The following SLC7A11 variants were observed in gnomAD, a reference collection of about 807,000 sequenced individuals.
SLC7A11 encodes the protein solute carrier family 7 member 11, also known as cystine/glutamate transporter.
SLC7A11 carries 35 observed loss-of-function variants against 54.5 expected under a neutral mutation model. The observed-to-expected ratio is 0.64, with a 90% CI of 0.49 to 0.85. SLC7A11 has a LOEUF of 0.85. SLC7A11 is among the 40% of genes least tolerant of loss of function. The pLI is 0.00. For synonymous variants in SLC7A11, 230 were observed against 225.2 expected (o/e 1.02, Z -0.19); for missense variants, 583 against 618.1 (o/e 0.94, Z 0.60).
Position 138,165,751 on chromosome 4 carries a change from A to G in SLC7A11, c.*6205T>C, listed in dbSNP as rs1736240023. ...GTTGTTTCCTTTCTGAACATGAATA[A>G]CATCAAAGGAAGAACCCAGTTCTTA... On this transcript the variant is annotated 3_prime_UTR_variant, in exon 12 of 12. Transcript: ENST00000280612. 6.6e-6 allele frequency: 1 copy of G among 152,186 alleles called. No individual in the cohort carries two copies. The highest frequency in any genetic ancestry group is 1.5e-5 in the Non-Finnish European group (1 of 68,014). The allele number at this position is 152,186 out of a possible 1,614,324, so 9.4% of individuals were successfully genotyped here.
chr4:138,185,316 G>A, intron 6 of SLC7A11, 72 bp from the exon 7 acceptor site: 2 of 1,506,352 alleles, frequency 1.3e-6, no homozygotes, highest in South Asian at 2.3e-5. Flanking sequence ...GAAAATAACA[G>A]GCTAATTCAA....
Position 138,167,756 on chromosome 4 carries a change from A to G in SLC7A11, c.*4200T>C, listed in dbSNP as rs1029851499. On this transcript the variant is annotated 3_prime_UTR_variant, in exon 12 of 12. Coordinates refer to ENST00000280612, the MANE Select transcript of SLC7A11 (RefSeq NM_014331.4). ...AGCAAAATGTAACTCTGTAAACTTG[A>G]TCAGCACTAATGTACAACATATTAT... 6.6e-6 allele frequency: 1 copy of G among 152,168 alleles called. No individual in the cohort carries two copies. The highest frequency in any genetic ancestry group is 1.5e-5 in the Non-Finnish European group (1 of 68,024). The allele number at this position is 152,168 out of a possible 1,614,324, so 9.4% of individuals were successfully genotyped here. A position where few individuals can be genotyped will look rare whatever the true frequency, so the allele number is the denominator to read the frequency against.
chr4:138,171,633 C>G lies in SLC7A11; in HGVS notation c.*323G>C. The G allele has an allele frequency of 3.9e-6, 1 of 255,230 alleles. No individual in the cohort carries two copies. The highest frequency in any genetic ancestry group is 7.3e-6 in the Non-Finnish European group (1 of 136,348). The allele number at this position is 255,230 out of a possible 1,614,324, so 15.8% of individuals were successfully genotyped here. On this transcript the variant is annotated 3_prime_UTR_variant, in exon 12 of 12. Transcript: ENST00000280612. ...AATCTCAGTCTTCAATTTGAAGGTT[C>G]TTTGCCGTGCTAACATATGTTGTAG...
At chr4:138,181,318 C>T (rs1736735823) in intron 9 of SLC7A11, among the ~76,000 whole-genome samples, 1 of 151,966 alleles carries the variant, frequency 6.6e-6, no homozygotes, top group African/African-American at 2.4e-5. Context: ...CTTTTTTCCT[C>T]CACATTTACT....
chr4:138,241,763 C>T (rs1738384831), intron 1 of SLC7A11, 30 bp downstream of exon 1: 4 of 1,534,170 alleles, frequency 2.6e-6, no homozygotes, highest in Non-Finnish European at 3.6e-6. Context: ...CCCACAGCCA[C>T]GCCCCCACGA....
chr4:138,210,867 C>A (rs1737529081), intron 6 of SLC7A11, among the ~76,000 whole-genome samples: 1 of 152,048 alleles, frequency 6.6e-6, no homozygotes, highest in Admixed American at 6.6e-5. Context: ...AGCAGAACTA[C>A]TATTTGACTC....
At chr4:138,201,666 A>G (rs563001689) in intron 6 of SLC7A11, among the ~76,000 whole-genome samples, 1 of 152,266 alleles carries the variant, frequency 6.6e-6, no homozygotes, top group Admixed American at 6.5e-5. Context: ...AGAAGAAAAG[A>G]AACAGCTTCC....
intron 6 of SLC7A11, among the ~76,000 whole-genome samples, chr4:138,206,806 G>T (rs1737418715): frequency 1.3e-5 from 2 of 151,868 alleles, no homozygotes; most frequent in African/African-American, 4.8e-5. Context: ...TTTTTAGAGT[G>T]AACAAAAGCA....
At chr4:138,214,471 C>A in intron 6 of SLC7A11, 114 bp downstream of exon 6, 1 of 497,096 alleles carries the variant, frequency 2.0e-6, no homozygotes, top group Non-Finnish European at 3.7e-6. Flanking sequence ...ATGATGATGA[C>A]GATGTTAAGG....
At chr4:138,214,957 G>A (rs982825787) in intron 5 of SLC7A11, among the ~76,000 whole-genome samples, 2 of 152,258 alleles carry the variant, frequency 1.3e-5, no homozygotes, top group East Asian at 3.9e-4. Flanking sequence ...GGCAGGTCTA[G>A]CCCAACCTGG....
chr4:138,179,376 C>G lies in SLC7A11; in HGVS notation c.1285G>C (p.Ala429Pro). 1 of 1,611,864 alleles carries G rather than the reference C, an allele frequency of 6.2e-7. No individual in the cohort carries two copies. Among genetic ancestry groups the G allele is most frequent in the Non-Finnish European group, 8.5e-7 (1 of 1,178,908 alleles). Residue 429 changes from alanine (A) to proline (P), a missense_variant, in exon 11 of 12, where the codon GCT (alanine) becomes CCT (proline). Coordinates refer to ENST00000280612, the MANE Select transcript of SLC7A11 (RefSeq NM_014331.4). ...RPFKVPLFIPALFSFTCLFMV... is the reference protein window; with the variant it reads ...RPFKVPLFIPPLFSFTCLFMV... Reference sequence around the variant, plus strand: ...AAGAGGCATGTGAAGGAAAACAAAGCTGGGATGAACAGTGGCACCTGGAAC... The same window carrying G: ...AAGAGGCATGTGAAGGAAAACAAAGGTGGGATGAACAGTGGCACCTGGAAC...
In SLC7A11 at chr4:138,168,253, G is replaced by T. The variant is rs1736317719; in HGVS notation, c.*3703C>A. 6.6e-6 allele frequency: 1 copy of T among 152,126 alleles called. No individual in the cohort carries two copies. The highest frequency in any genetic ancestry group is 1.5e-5 in the Non-Finnish European group (1 of 68,026). 9.4% of individuals were successfully genotyped at this position (152,126 alleles called of 1,614,324 possible). A position where few individuals can be genotyped will look rare whatever the true frequency, so the allele number is the denominator to read the frequency against. Reference sequence around the variant, plus strand: ...AGGCACTGAAGCTTAGGTTTCATTAGCTTCCTGCGAGATCCACCTATGCAC... The same window carrying T: ...AGGCACTGAAGCTTAGGTTTCATTATCTTCCTGCGAGATCCACCTATGCAC... On this transcript the variant is annotated 3_prime_UTR_variant, in exon 12 of 12. Coordinates refer to ENST00000280612, the MANE Select transcript of SLC7A11 (RefSeq NM_014331.4).
intron 6 of SLC7A11, among the ~76,000 whole-genome samples, chr4:138,201,916 C>G (rs193202180): frequency 5.9e-5 from 9 of 152,172 alleles, no homozygotes; most frequent in African/African-American, 1.9e-4. Context: ...TGACAAGGAT[C>G]GCTCCCTCTC....
chr4:138,183,444 G>C, intron 7 of SLC7A11, 139 bp from the exon 8 acceptor site: 1 of 646,418 alleles, frequency 1.5e-6, no homozygotes, highest in Non-Finnish European at 2.8e-6. Flanking sequence ...TCTTTGGTTA[G>C]GGTCAGACTA....
At chr4:138,202,397 G>C (rs1737308929) in intron 6 of SLC7A11, among the ~76,000 whole-genome samples, 1 of 152,018 alleles carries the variant, frequency 6.6e-6, no homozygotes, top group African/African-American at 2.4e-5. Context: ...AGGGGTGCCA[G>C]TTTGGACTCA....
intron 2 of SLC7A11, among the ~76,000 whole-genome samples, chr4:138,234,564 T>G (rs1394969462): frequency 2.9e-5 from 3 of 103,338 alleles, no homozygotes; most frequent in East Asian, 4.9e-4. Flanking sequence ...AGAAAAGTAG[T>G]TTTTTTTTTT....
intron 6 of SLC7A11, among the ~76,000 whole-genome samples, chr4:138,189,090 T>C (rs909885138): frequency 6.6e-6 from 1 of 152,184 alleles, no homozygotes; most frequent in African/African-American, 2.4e-5. Flanking sequence ...CCAGTCTACG[T>C]CACACATACT....
chr4:138,190,716 T>C (rs1736990097), intron 6 of SLC7A11, among the ~76,000 whole-genome samples: 1 of 152,166 alleles, frequency 6.6e-6, no homozygotes, highest in Admixed American at 6.6e-5. Flanking sequence ...CTTCCATACA[T>C]TTTGACATAC....
At chr4:138,237,711 ATATATATATATATATATATATATATATTT>A (rs1738247931) in intron 1 of SLC7A11, among the ~76,000 whole-genome samples, 1 of 4,580 alleles carries the variant, frequency 2.2e-4, no homozygotes, top group East Asian at 5.1e-3. Flanking sequence ...ATATATATAT[ATATATATATATATATATATATATATATTT>A]TTTTTTTTTT....
Sources: gnomAD v4.1 joint callset for allele counts (sites outside exome capture counted in the v4.1 genomes callset) on GRCh38, gnomAD v4.1.1 for gene constraint, MANE v1.5 for transcripts, NCBI Gene and HGNC (gene_info 2026-07-23, HGNC 2026-07-21) for gene names.